PLEC: variants seen among roughly 807,000 people sequenced by gnomAD.
The protein encoded by PLEC is hemidesmosomal protein 1.
PLEC carries 216 observed loss-of-function variants against 392.8 expected under a neutral mutation model. The observed-to-expected ratio is 0.55, with a 90% CI of 0.49 to 0.62. The LOEUF is 0.62. Among genes scored for constraint, PLEC ranks in the 20% least tolerant of loss-of-function variants. The pLI is 0.00. For synonymous variants in PLEC, 3,621 were observed against 2,980.6 expected, an observed-to-expected ratio of 1.21 and a Z score of -7.00; for missense variants, 6,863 against 6,563.4, an observed-to-expected ratio of 1.05 and a Z score of -1.58.
rs1299550852 is a variant in PLEC at position 143,915,184 on chromosome 8, A to G, written c.*993T>C. 4 of 152,552 alleles carry G rather than the reference A, an allele frequency of 2.6e-5. No homozygotes were observed. Among genetic ancestry groups the G allele is most frequent in the African/African-American group, 9.6e-5 (4 of 41,468 alleles). The allele number at this position is 152,552 out of a possible 1,614,324, so 9.4% of individuals were successfully genotyped here. A position where few individuals can be genotyped will look rare whatever the true frequency, so the allele number is the denominator to read the frequency against. ...GGAATTGCTTTTATTGGGGGCGGAT[A>G]CCGCAAGGCCCCGCCCACGGTCAGG... is the stretch of plus-strand genomic sequence containing the variant. On this transcript the variant is annotated 3_prime_UTR_variant, in exon 32 of 32. Transcript: ENST00000345136.
At chr8:143,958,539 C>G, upstream of PLEC, 1 of 376,924 alleles carries the variant, frequency 2.7e-6, no homozygotes, top group East Asian at 7.8e-5. This position sits in a 1 kb window ranked among gnomAD's most constrained non-coding sequence, Gnocchi z 4.9. Context: ...ACACCCTGGC[C>G]TGGCCACCAC....
exon 1 of PLEC, chr8:143,950,602 G>C: frequency 6.2e-7 from 1 of 1,606,772 alleles, no homozygotes; most frequent in East Asian, 2.2e-5. Context: ...GGGGGTGCAA[G>C]CTGCGGGGCC....
chr8:143,936,544 T>G (rs1829106340), intron 5 of PLEC, among the ~76,000 whole-genome samples: 1 of 152,188 alleles, frequency 6.6e-6, no homozygotes, highest in Non-Finnish European at 1.5e-5. Context: ...CACCCACCCC[T>G]AGCTGCCTGT....
At chr8:143,950,330 G>C in exon 1 of PLEC, 1 of 1,576,682 alleles carries the variant, frequency 6.3e-7, no homozygotes, top group Non-Finnish European at 8.6e-7. Flanking sequence ...CCGCTTGGGT[G>C]GGGAGCCCAG....
Position 143,917,132 on chromosome 8 carries a change from G to A in PLEC, c.12689C>T (p.Thr4230Ile). 1 of 1,604,716 alleles carries A rather than the reference G, an allele frequency of 6.2e-7. No individual in the cohort carries two copies. The highest frequency in any genetic ancestry group is 8.5e-7 in the Non-Finnish European group (1 of 1,172,788). The change falls in exon 32 of 32, where the codon ACC (threonine) becomes ATC (isoleucine). Residue 4230 changes from threonine (T) to isoleucine (I), a missense_variant. Transcript: ENST00000345136. ...DQYRAGTLSI[T>I]EFADMLSGNA... The stretch of plus-strand genomic sequence containing the variant: ...GCCCGAGAGCATGTCGGCGAACTCG[G>A]TGATGGAGAGCGTGCCGGCGCGGTA...
rs548123598 is a variant in PLEC at position 143,932,941 on chromosome 8, G to C, written c.1589C>G (p.Ala530Gly). ...ACGGTGCTGGTTCTCCTCCACCCAG[G>C]CCAGCAGGTCCTGCAGGTAGCGCAG... Reference protein sequence around the residue: ...STLRYLQDLLAWVEENQHRVD... With the variant: ...STLRYLQDLLGWVEENQHRVD... Residue 530 changes from alanine (A) to glycine (G), a missense_variant, in exon 14 of 32, where the codon GCC (alanine) becomes GGC (glycine). Ala to Gly is a moderately conservative substitution (Grantham distance 60). Transcript: ENST00000345136. 26 of 1,612,572 alleles carry C rather than the reference G, an allele frequency of 1.6e-5. No homozygotes were observed. The highest frequency in any genetic ancestry group is 2.2e-5 in the Non-Finnish European group (26 of 1,179,922).
rs1827391309 is a variant in PLEC at position 143,931,921 on chromosome 8, G to A, written c.2178+16C>T. On this transcript the variant is annotated intron_variant, in intron 18 of 31. Coordinates refer to ENST00000345136, the MANE Select transcript of PLEC (RefSeq NM_201384.3). Reference sequence around the variant, plus strand: ...CTGCCGCTGAGCCACAGTGCGGAGGGGGCTCCGGTTCTCACCTGAAAGTAG... The same window carrying A: ...CTGCCGCTGAGCCACAGTGCGGAGGAGGCTCCGGTTCTCACCTGAAAGTAG... The A allele has an allele frequency of 1.9e-6, 3 of 1,594,668 alleles. No individual in the cohort carries two copies. Among genetic ancestry groups the A allele is most frequent in the Non-Finnish European group, 1.7e-6 (2 of 1,170,046 alleles).
At chr8:143,950,234 G>C in exon 1 of PLEC, 1 of 1,560,640 alleles carries the variant, frequency 6.4e-7, no homozygotes, top group Non-Finnish European at 8.7e-7. Context: ...CCGCTGGGTG[G>C]TAGCAGGCAC....
chr8:143,929,720 T>TCCTCGGGTCCGAAGCC lies in PLEC; in HGVS notation c.2833_2848dup (p.Asp950GlyfsTer11). On this transcript the variant is annotated frameshift_variant, in exon 23 of 32. Transcript: ENST00000345136. LOFTEE classifies it high-confidence loss of function. ...GTACTCGCGCTCAGCCATCAGCCGG[T>TCCTCGGGTCCGAAGCC]CCTCGGGTCCGAAGCCGCCCGCGTC... 6.3e-7 allele frequency: 1 copy of TCCTCGGGTCCGAAGCC among 1,599,848 alleles called. No individual in the cohort carries two copies.
rs782170505 is a variant in PLEC, at chr8:143,931,491, G to C, written c.2304+43C>G. On this transcript the variant is annotated intron_variant, in intron 19 of 31. Coordinates refer to ENST00000345136, the MANE Select transcript of PLEC (RefSeq NM_201384.3). ...GAGTACCCGTGCAGCCCAGACTCCA[G>C]GCCAGCCCCTCCTGACACGCCCCTG... 1.1e-5 allele frequency: 17 copies of C among 1,556,934 alleles called. No homozygotes were observed. In the East Asian group the frequency reaches 4.1e-4, roughly 37 times the overall value.
At position 143,924,370 on chromosome 8, in the gene PLEC, C is replaced by T. The variant is rs1554696961; in HGVS notation, c.5559G>A (p.Glu1853=). The stretch of plus-strand genomic sequence containing the variant: ...CCGCCTCCTTCTCCTTGAGCGCGAT[C>T]TCCGCCTCCGTCTTGAGCCGCGTGG... ...GEATRLKTEA[E]IALKEKEAEN... The change falls in exon 31 of 32, where the codon GAG becomes GAA. Residue 1853 remains glutamate (E), a synonymous_variant. Transcript: ENST00000345136. The T allele has an allele frequency of 1.3e-6, 2 of 1,596,866 alleles. No homozygotes were observed. The highest frequency in any genetic ancestry group is 1.7e-6 in the Non-Finnish European group (2 of 1,178,710).
rs782780429 is a variant in PLEC, at chr8:143,925,683, G to A, written c.4246C>T (p.Arg1416Cys). Residue 1416 changes from arginine to cysteine, a missense_variant, in exon 31 of 32, where the codon CGC (arginine) becomes TGC (cysteine). Transcript: ENST00000345136. ...EAAVDAQQQKRSIQEELQQLR... is the reference protein window; with the variant it reads ...EAAVDAQQQKCSIQEELQQLR... ...TGCTGCAGCTCCTCCTGAATGCTGC[G>A]CTTCTGCTGCTGCGCGTCCACCGCC... 1.8e-5 allele frequency: 29 copies of A among 1,591,130 alleles called. No homozygotes were observed. The highest frequency in any genetic ancestry group is 3.3e-4 in the Middle Eastern group (2 of 6,056).
intron 12 of PLEC, among the ~76,000 whole-genome samples, 177 bp from the exon 13 acceptor site, chr8:143,933,528 G>C (rs913214294): frequency 2.0e-5 from 3 of 152,122 alleles, no homozygotes; most frequent in Non-Finnish European, 2.9e-5. Context: ...GGCCTTCTGG[G>C]GGATTGGGAC....
intron 16 of PLEC, 26 bp from the exon 17 acceptor site, chr8:143,932,260 G>T: frequency 6.2e-7 from 1 of 1,610,756 alleles, no homozygotes; most frequent in South Asian, 1.1e-5. Flanking sequence ...AGGGTCTCAG[G>T]GACGGCCGGC....
At chr8:143,941,845 C>T (rs1410209182), upstream of PLEC, among the ~76,000 whole-genome samples, 1 of 152,166 alleles carries the variant, frequency 6.6e-6, no homozygotes, top group African/African-American at 2.4e-5. Context: ...CTGCCTGACA[C>T]CTGTGCTGTC....
chr8:143,929,733 A>G lies in PLEC; in HGVS notation c.2836T>C (p.Phe946Leu), dbSNP rs782394536. 6.3e-7 allele frequency: 1 copy of G among 1,599,524 alleles called. No homozygotes were observed. Among genetic ancestry groups the G allele is most frequent in the Non-Finnish European group, 8.5e-7 (1 of 1,179,148 alleles). Residue 946 changes from phenylalanine to leucine, a missense_variant, in exon 23 of 32, where the codon TTC becomes CTC. Physicochemically the swap from Phe to Leu is conservative, Grantham distance 22. Transcript: ENST00000345136. ...GCCATCAGCCGGTCCTCGGGTCCGA[A>G]GCCGCCCGCGTCCTGGCTGTCCCGC... ...FLRDSQDAGG[F>L]GPEDRLMAER...
chr8:143,945,856 C>T (rs538286619), intron 1 of PLEC, among the ~76,000 whole-genome samples: 3 of 152,354 alleles, frequency 2.0e-5, no homozygotes, highest in Admixed American at 6.5e-5. Flanking sequence ...CAAAAACGTG[C>T]GGCCGAGGGA....
At position 143,958,938 on chromosome 8, in the gene PLEC, T is replaced by C. The variant is rs1832736276; in HGVS notation, c.70+14465A>G. ...CTTTCCCAGAACTCTGTTAATATCG[T>C]TGACTTCACTAGCAGATTAAAGGAG... On this transcript the variant is annotated intron_variant, in intron 1 of 31. Coordinates refer to the PLEC transcript ENST00000356346. The surrounding 1 kb of genome is among the most constrained non-coding windows in gnomAD (Gnocchi z 4.9). 1 of 190,434 alleles carries C rather than the reference T, an allele frequency of 5.3e-6. No individual in the cohort carries two copies. Among genetic ancestry groups the C allele is most frequent in the Non-Finnish European group, 1.1e-5 (1 of 87,776 alleles). The allele number at this position is 190,434 out of a possible 1,614,324, so 11.8% of individuals were successfully genotyped here.
intron 11 of PLEC, 87 bp from the exon 12 acceptor site, chr8:143,934,178 C>A: frequency 6.3e-7 from 1 of 1,586,094 alleles, no homozygotes; most frequent in Non-Finnish European, 8.6e-7. Flanking sequence ...CCGCTCCGGT[C>A]TCCCTGGCTG....
Sources: allele counts gnomAD v4.1 joint callset (sites outside exome capture counted in the v4.1 genomes callset), GRCh38; gene constraint gnomAD v4.1.1; non-coding constraint Gnocchi (gnomAD v3.1); transcripts MANE v1.5; gene names NCBI Gene and HGNC (gene_info 2026-07-23, HGNC 2026-07-21).